CLEC4G: variants seen among roughly 807,000 people sequenced by gnomAD.
CLEC4G encodes the protein C-type lectin superfamily 4, member G.
In CLEC4G, 34 loss-of-function variants were observed where a neutral mutation model predicts 37.0. The observed-to-expected ratio is 0.92, with a 90% CI of 0.70 to 1.22. CLEC4G has a LOEUF of 1.22. Among genes scored for constraint, CLEC4G ranks in the 50% most tolerant of loss-of-function variants. The pLI, the probability that CLEC4G is intolerant of heterozygous loss-of-function variation, is 0.00. For synonymous variants in CLEC4G, 167 were observed against 165.6 expected, an observed-to-expected ratio of 1.01 and a Z score of -0.06; for missense variants, 390 against 392.9, an observed-to-expected ratio of 0.99 and a Z score of 0.06.
Position 7,729,506 on chromosome 19 carries a change from T to C in CLEC4G, c.744-2A>G, listed in dbSNP as rs771306847. 1.3e-6 allele frequency: 2 copies of C among 1,589,752 alleles called. No individual in the cohort carries two copies. The highest frequency in any genetic ancestry group is 1.7e-6 in the Non-Finnish European group (2 of 1,163,216). ...TTGGGCTCTCCCTGGTTCCAGTGGC[T>C]ACAGGGGGGTTGAGTGGGGGTGTTG... is the stretch of plus-strand genomic sequence containing the variant. On this transcript the variant is annotated splice_acceptor_variant, in intron 8 of 8. Coordinates refer to ENST00000328853, the MANE Select transcript of CLEC4G (RefSeq NM_198492.4). LOFTEE classifies it high-confidence loss of function.
chr19:7,730,649 G>A lies in CLEC4G; in HGVS notation c.388+106C>T. On this transcript the variant is annotated intron_variant, in intron 5 of 8. Transcript: ENST00000328853. This position sits in a 1 kb window ranked among gnomAD's most constrained non-coding sequence, Gnocchi z 7.3. ...AGTCAAGGTCAGAGTGCAGCGTCAG[G>A]GTCAGGACGGGGTGCATGATCGGGG... 6.8e-7 allele frequency: 1 copy of A among 1,462,608 alleles called. No individual in the cohort carries two copies. The highest frequency in any genetic ancestry group is 9.0e-7 in the Non-Finnish European group (1 of 1,109,806). The allele number at this position is 1,462,608 out of a possible 1,614,324, so 90.6% of individuals were successfully genotyped here.
chr19:7,731,931 T>C, intron 1 of CLEC4G, 117 bp downstream of exon 1: 1 of 1,488,336 alleles, frequency 6.7e-7, no homozygotes, highest in African/African-American at 1.4e-5. Flanking sequence ...CAACTGGCTC[T>C]ATGGCCTGTG....
Position 7,729,379 on chromosome 19 carries a change from CT to C in CLEC4G, c.868del (p.Arg290GlyfsTer32). The C allele has an allele frequency of 1.9e-6, 3 of 1,608,944 alleles. No homozygotes were observed. Among genetic ancestry groups the C allele is most frequent in the Non-Finnish European group, 2.6e-6 (3 of 1,175,990 alleles). On this transcript the variant is annotated frameshift_variant, in exon 9 of 9. Coordinates refer to ENST00000328853, the MANE Select transcript of CLEC4G (RefSeq NM_198492.4). LOFTEE classifies it high-confidence loss of function. Reference sequence around the variant, plus strand: ...CACTGGGCGGGGTCAGCAGTTGTGCCTTTTCTCACAGATCCAGCCGTCCTTC... The same window carrying C: ...CACTGGGCGGGGTCAGCAGTTGTGCCTTTCTCACAGATCCAGCCGTCCTTC... The part of the protein sequence containing the change: ...SEKDGWICEK[R>X]HNC
At chr19:7,731,487 A>G (rs534869110) in intron 2 of CLEC4G, among the ~76,000 whole-genome samples, 168 bp from the exon 3 acceptor site, 19 of 152,326 alleles carry the variant, frequency 1.2e-4, no homozygotes, top group East Asian at 9.7e-4. Flanking sequence ...ACTCGCGCAC[A>G]TACGAGCACG....
chr19:7,730,031 G>C lies in CLEC4G; in HGVS notation c.615C>G (p.Gly205=). Residue 205 remains glycine, a synonymous_variant, in exon 7 of 9, where the codon GGC becomes GGG. Transcript: ENST00000328853. This position sits in a 1 kb window ranked among gnomAD's most constrained non-coding sequence, Gnocchi z 7.3. ...TCCCCCTGCGCACCTGCTCATCCAG[G>C]CCCCCAACGATCACCAGGTGCGCGC... ...DASAHLVIVG[G]LDEQGFLTRN... 6.2e-7 allele frequency: 1 copy of C among 1,600,244 alleles called. No homozygotes were observed. The highest frequency in any genetic ancestry group is 8.5e-7 in the Non-Finnish European group (1 of 1,175,438).
At position 7,730,707 on chromosome 19, in the gene CLEC4G, C is replaced by T. The variant is rs1257764998; in HGVS notation, c.388+48G>A. 4 of 1,479,600 alleles carry T rather than the reference C, an allele frequency of 2.7e-6. No individual in the cohort carries two copies. The Admixed American group carries it at 6.5e-5, about 24-fold the overall frequency. The allele number at this position is 1,479,600 out of a possible 1,614,324, so 91.7% of individuals were successfully genotyped here. A position where few individuals can be genotyped will look rare whatever the true frequency, so the allele number is the denominator to read the frequency against. On this transcript the variant is annotated intron_variant, in intron 5 of 8. Transcript: ENST00000328853. The surrounding 1 kb of genome is among the most constrained non-coding windows in gnomAD (Gnocchi z 7.3). ...TCAGCACTCAGGACGGGGTCGGGGT[C>T]GGGGGACGCGGCCAGGGCTCAGGGC...
chr19:7,731,544 C>T, intron 2 of CLEC4G, 117 bp downstream of exon 2: 1 of 1,482,060 alleles, frequency 6.7e-7, no homozygotes, highest in East Asian at 2.5e-5. Flanking sequence ...TGTACACACA[C>T]TCTGCTCACA....
chr19:7,732,040 G>C lies in CLEC4G; in HGVS notation c.55+8C>G. ...GGGGCAGGGATGGGGCAGTCTCCTT[G>C]CTCATACCTCCGGGGACCTCCTCGG... On this transcript the variant is annotated splice_region_variant and intron_variant, in intron 1 of 8. Coordinates refer to ENST00000328853, the MANE Select transcript of CLEC4G (RefSeq NM_198492.4). 1 of 1,599,322 alleles carries C rather than the reference G, an allele frequency of 6.3e-7. No individual in the cohort carries two copies. The highest frequency in any genetic ancestry group is 8.6e-7 in the Non-Finnish European group (1 of 1,166,566).
chr19:7,731,724 C>T lies in CLEC4G; in HGVS notation c.103G>A (p.Ala35Thr). The T allele has an allele frequency of 6.2e-7, 1 of 1,614,066 alleles. No homozygotes were observed. The highest frequency in any genetic ancestry group is 8.5e-7 in the Non-Finnish European group (1 of 1,179,982). ...VHWSRRPLFL[A>T]LAVLVTTVLW... Reference sequence around the variant, plus strand: ...ACTGTGGTGACCAGGACAGCCAGGGCCAAGAAGAGGGGTCTCCTGCTCCAG... The same window carrying T: ...ACTGTGGTGACCAGGACAGCCAGGGTCAAGAAGAGGGGTCTCCTGCTCCAG... The change falls in exon 2 of 9, where the codon GCC (alanine) becomes ACC (threonine). Residue 35 changes from alanine (A) to threonine (T), a missense_variant. By Grantham distance (58) the Ala-to-Thr change is moderately conservative. Transcript: ENST00000328853.
At position 7,730,466 on chromosome 19, in the gene CLEC4G, A is replaced by G; in HGVS notation, c.389-26T>C. ...CTGCGGGGTCAAGGGAGCGGGGATT[A>G]TGGCTGGGGTCAGGGCCAGGACCAG... On this transcript the variant is annotated intron_variant, in intron 5 of 8. Transcript: ENST00000328853. This position sits in a 1 kb window ranked among gnomAD's most constrained non-coding sequence, Gnocchi z 7.3. The G allele has an allele frequency of 1.3e-6, 2 of 1,597,538 alleles. No individual in the cohort carries two copies.
intron 2 of CLEC4G, 99 bp from the exon 3 acceptor site, chr19:7,731,418 G>C (rs546199868): frequency 1.2e-5 from 18 of 1,506,952 alleles, no homozygotes; most frequent in Non-Finnish European, 1.5e-5. Context: ...CGGAGCGGGC[G>C]GGCAGGCATA....
Position 7,729,370 on chromosome 19 carries a change from C to T in CLEC4G, c.878G>A (p.Cys293Tyr). The change falls in exon 9 of 9, where the codon TGC becomes TAC. Residue 293 changes from cysteine (C) to tyrosine (Y), a missense_variant. Cys to Tyr is a radical substitution (Grantham distance 194). Coordinates refer to ENST00000328853, the MANE Select transcript of CLEC4G (RefSeq NM_198492.4). ...DGWICEKRHN[C>Y] Reference sequence around the variant, plus strand: ...GCTCCAGGGCACTGGGCGGGGTCAGCAGTTGTGCCTTTTCTCACAGATCCA... The same window carrying T: ...GCTCCAGGGCACTGGGCGGGGTCAGTAGTTGTGCCTTTTCTCACAGATCCA... 1 of 1,605,016 alleles carries T rather than the reference C, an allele frequency of 6.2e-7. No homozygotes were observed. The highest frequency in any genetic ancestry group is 8.5e-7 in the Non-Finnish European group (1 of 1,172,812).
rs1296469442 is a variant in CLEC4G, at chr19:7,730,871, A to G, written c.284-12T>C. 1.1e-5 allele frequency: 17 copies of G among 1,528,280 alleles called. No homozygotes were observed. Among genetic ancestry groups the G allele is most frequent in the East Asian group, 2.5e-5 (1 of 40,086 alleles). The allele number at this position is 1,528,280 out of a possible 1,614,324, so 94.7% of individuals were successfully genotyped here. The stretch of plus-strand genomic sequence containing the variant: ...CTGCGTCCCCGAGCCTGGGAGCCGC[A>G]GGGTGAGAGGGGCGAGGGCGGCGAG... On this transcript the variant is annotated splice_polypyrimidine_tract_variant and intron_variant, in intron 4 of 8. Transcript: ENST00000328853. This position sits in a 1 kb window ranked among gnomAD's most constrained non-coding sequence, Gnocchi z 7.3.
rs1355762571 is a variant in CLEC4G at position 7,731,723 on chromosome 19, G to A, written c.104C>T (p.Ala35Val). The A allele has an allele frequency of 1.9e-6, 3 of 1,613,986 alleles. No individual in the cohort carries two copies. Among genetic ancestry groups the A allele is most frequent in the Non-Finnish European group, 1.7e-6 (2 of 1,180,004 alleles). The change falls in exon 2 of 9, where the codon GCC becomes GTC. Residue 35 changes from alanine to valine, a missense_variant. Physicochemically the swap from Ala to Val is moderately conservative, Grantham distance 64 (BLOSUM62 0). Transcript: ENST00000328853. ...GACTGTGGTGACCAGGACAGCCAGG[G>A]CCAAGAAGAGGGGTCTCCTGCTCCA... ...VHWSRRPLFLALAVLVTTVLW... is the reference protein window; with the variant it reads ...VHWSRRPLFLVLAVLVTTVLW...
At chr19:7,731,934 G>A in intron 1 of CLEC4G, 114 bp downstream of exon 1, 2 of 1,475,928 alleles carry the variant, frequency 1.4e-6, no homozygotes, top group Non-Finnish European at 1.9e-6. Flanking sequence ...CTGGCTCTAT[G>A]GCCTGTGGTG....
Position 7,730,958 on chromosome 19 carries a change from C to A in CLEC4G, c.283+68G>T. ...CACCACCCGCCGCAGGCCTCCGCCC[C>A]GGCCCCCCTCCCATCGCGGCCGCAA... is the stretch of plus-strand genomic sequence containing the variant. On this transcript the variant is annotated intron_variant, in intron 4 of 8. Transcript: ENST00000328853. The surrounding 1 kb of genome is among the most constrained non-coding windows in gnomAD (Gnocchi z 7.3). The A allele has an allele frequency of 6.7e-7, 1 of 1,502,980 alleles. No individual in the cohort carries two copies. The highest frequency in any genetic ancestry group is 2.5e-5 in the East Asian group (1 of 39,872). 93.1% of individuals were successfully genotyped at this position (1,502,980 alleles called of 1,614,324 possible).
At chr19:7,731,974 C>A in intron 1 of CLEC4G, 74 bp downstream of exon 1, 2 of 1,466,352 alleles carry the variant, frequency 1.4e-6, no homozygotes, top group South Asian at 1.1e-5. Context: ...CCTGGCCTGT[C>A]TCGACTCTTC....
rs2033412937 is a variant in CLEC4G, at chr19:7,730,522, GT to G, written c.389-83del. The G allele has an allele frequency of 6.5e-7, 1 of 1,543,180 alleles. No individual in the cohort carries two copies. The highest frequency in any genetic ancestry group is 1.4e-5 in the African/African-American group (1 of 73,414). ...TGACTAGCTAAAGGTCAGGACCCCT[GT>G]CTGTGGTCATTGTACCCTCGGTGCC... On this transcript the variant is annotated intron_variant, in intron 5 of 8. Transcript: ENST00000328853. The surrounding 1 kb of genome is among the most constrained non-coding windows in gnomAD (Gnocchi z 7.3).
Position 7,729,467 on chromosome 19 carries a change from G to GC in CLEC4G, c.780dup (p.Arg261AlafsTer19), listed in dbSNP as rs2033393182. ...TGCAGCATCATGACACAGTTCTCGC[G>GC]CCCCCAAGCGTCATTGGGCTCTCCC... On this transcript the variant is annotated frameshift_variant, in exon 9 of 9. Transcript: ENST00000328853. LOFTEE classifies it low-confidence loss of function (END_TRUNC). 6.2e-7 allele frequency: 1 copy of GC among 1,604,132 alleles called. No homozygotes were observed. The highest frequency in any genetic ancestry group is 1.3e-5 in the African/African-American group (1 of 74,772).
Sources: gnomAD v4.1 joint callset for allele counts (sites outside exome capture counted in the v4.1 genomes callset) on GRCh38, gnomAD v4.1.1 for gene constraint, Gnocchi (gnomAD v3.1) non-coding constraint, MANE v1.5 for transcripts, NCBI Gene and HGNC (gene_info 2026-07-23, HGNC 2026-07-21) for gene names.